Variants in TBC1D9 observed in about 807,000 individuals in gnomAD.
The protein encoded by TBC1D9 is TBC1 domain family member 9A.
In TBC1D9, 63 loss-of-function variants were observed where a neutral mutation model predicts 132.0. That is an observed-to-expected ratio of 0.48 (90% confidence interval 0.39 to 0.59). The LOEUF is 0.59. Among genes scored for constraint, TBC1D9 ranks in the 20% least tolerant of loss-of-function variants. TBC1D9 has a pLI of 0.00. For missense variants in TBC1D9, 1,261 were observed against 1,592.7 expected, an observed-to-expected ratio of 0.79 and a Z score of 3.54; for synonymous variants, 610 against 609.9, an observed-to-expected ratio of 1.00 and a Z score of 0.00.
rs776802923 is a variant in TBC1D9, at chr4:140,676,920, A to C, written c.1033T>G (p.Cys345Gly). 6.2e-7 allele frequency: 1 copy of C among 1,614,012 alleles called. No individual in the cohort carries two copies. Among genetic ancestry groups the C allele is most frequent in the Non-Finnish European group, 8.5e-7 (1 of 1,179,868 alleles). ...TCACGGAGCGGGATAATGAGGCTAC[A>C]TAAGTTCTCCTCCTTGCTGGTAAAA... The part of the protein sequence containing the change: ...ICFTSKEENL[C>G]SLIIPLREVT... Residue 345 changes from cysteine to glycine, a missense_variant, in exon 6 of 21, where the codon TGT (cysteine) becomes GGT (glycine). Physicochemically the swap from Cys to Gly is radical, Grantham distance 159. Transcript: ENST00000442267.
chr4:140,624,120 T>C lies in TBC1D9; in HGVS notation c.3074A>G (p.Asn1025Ser). The C allele has an allele frequency of 6.2e-7, 1 of 1,603,718 alleles. No individual in the cohort carries two copies. Among genetic ancestry groups the C allele is most frequent in the Non-Finnish European group, 8.5e-7 (1 of 1,173,872 alleles). The change falls in exon 20 of 21, where the codon AAT (asparagine) becomes AGT (serine). Residue 1025 changes from asparagine to serine, a missense_variant. Asn to Ser is a conservative substitution (Grantham distance 46, BLOSUM62 1). Around this residue, in one of 3 missense-constraint regions of TBC1D9, gnomAD observed 618 missense variants for 724.4 expected, o/e 0.85. Transcript: ENST00000442267. ...ATTTGAACTTTAAGCACTTACCTGA[T>C]TTAATTTGGGTAAATCCTTTGCATT... is the stretch of plus-strand genomic sequence containing the variant. Reference protein sequence around the residue: ...SKNAKDLPKLNQGQFIELCKT... With the variant: ...SKNAKDLPKLSQGQFIELCKT...
intron 1 of TBC1D9, among the ~76,000 whole-genome samples, chr4:140,718,130 T>C (rs1303243329): frequency 6.6e-6 from 1 of 152,142 alleles, no homozygotes; most frequent in African/African-American, 2.4e-5. Context: ...TATATACTAA[T>C]TCAATTGAGT....
At chr4:140,677,235 CT>C in intron 5 of TBC1D9, 134 bp from the exon 6 acceptor site, 2 of 994,104 alleles carry the variant, frequency 2.0e-6, no homozygotes, top group Non-Finnish European at 2.9e-6. Flanking sequence ...TCTCAGCTTT[CT>C]TTATATTGAA....
At chr4:140,625,363 T>C (rs1454431436) in intron 18 of TBC1D9, among the ~76,000 whole-genome samples, 1 of 152,202 alleles carries the variant, frequency 6.6e-6, no homozygotes, top group East Asian at 1.9e-4. Context: ...CACTTATAAC[T>C]GTTTTGTCTT....
At chr4:140,643,742 G>A (rs150985196) in intron 13 of TBC1D9, 13,400 of 1,148,328 alleles carry the variant, frequency 0.012, 107 homozygotes, top group South Asian at 0.027. Flanking sequence ...GGGAATCCAC[G>A]CATGCTTCAG....
At chr4:140,678,386 C>A (rs760921595) in intron 5 of TBC1D9, among the ~76,000 whole-genome samples, 1 of 152,170 alleles carries the variant, frequency 6.6e-6, no homozygotes, top group African/African-American at 2.4e-5. Context: ...TAATTCCAGG[C>A]ACATGGGGCA....
At chr4:140,654,813 T>G (rs1737240429) in intron 13 of TBC1D9, among the ~76,000 whole-genome samples, 1 of 152,204 alleles carries the variant, frequency 6.6e-6, no homozygotes, top group Non-Finnish European at 1.5e-5. Context: ...TTCTTTTTTT[T>G]TTAATCTAAT....
At chr4:140,701,461 C>T (rs201881141) in intron 2 of TBC1D9, 43 bp downstream of exon 2, 236 of 1,494,004 alleles carry the variant, frequency 1.6e-4, no homozygotes, top group Non-Finnish European at 1.9e-4. Flanking sequence ...TTAACCCTAA[C>T]GCTTCTTTTA....
intron 1 of TBC1D9, among the ~76,000 whole-genome samples, chr4:140,728,363 T>C (rs1738531661): frequency 6.6e-6 from 1 of 151,612 alleles, no homozygotes; most frequent in Admixed American, 6.6e-5. Flanking sequence ...AAGTCAAGTG[T>C]TTCTGGGTTA....
chr4:140,731,781 C>G (rs1560899125), intron 1 of TBC1D9, among the ~76,000 whole-genome samples: 1 of 151,950 alleles, frequency 6.6e-6, no homozygotes, highest in Non-Finnish European at 1.5e-5. Flanking sequence ...ATTTTTTTTA[C>G]TTTATAGCTC....
chr4:140,683,519 T>C (rs2111022122), intron 3 of TBC1D9, among the ~76,000 whole-genome samples: 1 of 152,332 alleles, frequency 6.6e-6, no homozygotes, highest in East Asian at 1.9e-4. Flanking sequence ...TCATTCCAGT[T>C]CTAGGCAACA....
Position 140,654,397 on chromosome 4 carries a change from T to C in TBC1D9, c.2337+2700A>G, listed in dbSNP as rs149147611. Among the ~76,000 whole-genome samples, 839 of 145,836 alleles carry C rather than the reference T, an allele frequency of 5.8e-3. 10 individuals carry two copies. Among genetic ancestry groups the C allele is most frequent in the African/African-American group, 0.02 (780 of 39,300 alleles). On this transcript the variant is annotated intron_variant, in intron 13 of 20. Transcript: ENST00000442267. ...TAAGGAAAGGAATGTGAGCTGGTAC[T>C]GATAATGCTTGGTACTGAGGCATGC...
chr4:140,669,338 A>G (rs1229216981), intron 8 of TBC1D9, among the ~76,000 whole-genome samples: 1 of 152,156 alleles, frequency 6.6e-6, no homozygotes, highest in African/African-American at 2.4e-5. Context: ...CCCCCAAGTG[A>G]AAGTAAGTTA....
chr4:140,665,693 C>T (rs10029440), intron 9 of TBC1D9, among the ~76,000 whole-genome samples: 71,808 of 151,736 alleles, frequency 0.47, 17,028 homozygotes, highest in Middle Eastern at 0.51. Context: ...ATTTTATTTT[C>T]TGAGAGAGGG....
At chr4:140,659,143 A>G (rs1345491048) in intron 11 of TBC1D9, among the ~76,000 whole-genome samples, 1 of 152,190 alleles carries the variant, frequency 6.6e-6, no homozygotes, top group Non-Finnish European at 1.5e-5. Flanking sequence ...TTGCAATAAA[A>G]CCAGTCCTGA....
rs923305 is a variant in TBC1D9, at chr4:140,707,680, G to C, written c.131-6066C>G. Among the ~76,000 whole-genome samples the C allele has an allele frequency of 5.6e-3, 858 of 152,248 alleles. 6 individuals carry two copies. Among genetic ancestry groups the C allele is most frequent in the African/African-American group, 0.019 (781 of 41,524 alleles). On this transcript the variant is annotated intron_variant, in intron 1 of 20. Transcript: ENST00000442267. ...TGCTGACATACCTACAAACTCTCTA[G>C]CCATACCATAACTTTTACACTTCTT...
chr4:140,673,721 C>T (rs528595409), intron 6 of TBC1D9, among the ~76,000 whole-genome samples: 10 of 152,264 alleles, frequency 6.6e-5, no homozygotes, highest in African/African-American at 2.4e-4. Flanking sequence ...TGCAGACTGC[C>T]TCTCTTCTGA....
At chr4:140,686,526 T>A in intron 2 of TBC1D9, 64 bp from the exon 3 acceptor site, 1 of 1,047,274 alleles carries the variant, frequency 9.5e-7, no homozygotes, top group Non-Finnish European at 1.5e-6. Flanking sequence ...AAAACCAGGC[T>A]CACTTTTTCA....
chr4:140,645,825 G>A (rs893866085), intron 13 of TBC1D9, among the ~76,000 whole-genome samples: 7 of 152,136 alleles, frequency 4.6e-5, no homozygotes, highest in Non-Finnish European at 7.4e-5. Flanking sequence ...CCTGAGCACC[G>A]GCTGCTGGCT....
Sources: allele counts gnomAD v4.1 joint callset (sites outside exome capture counted in the v4.1 genomes callset), GRCh38; gene constraint gnomAD v4.1.1; regional missense constraint gnomAD v4.1.1; transcripts MANE v1.5; gene names NCBI Gene and HGNC (gene_info 2026-07-23, HGNC 2026-07-21).